Variants in OPCML observed in about 807,000 individuals in gnomAD.
The protein encoded by OPCML is opioid binding protein/cell adhesion molecule like.
OPCML carries 13 observed loss-of-function variants against 37.8 expected under a neutral mutation model. The ratio of observed to expected loss-of-function variants is 0.34; its 90% CI spans 0.22 to 0.55. OPCML has a LOEUF of 0.55. Ranked by LOEUF, OPCML falls within the 20% of genes least tolerant of loss-of-function variation. The probability of loss-of-function intolerance (pLI) is 0.91; values close to 1 mark genes in which losing one functional copy is unlikely to be tolerated. For synonymous variants in OPCML, 176 were observed against 168.8 expected, an observed-to-expected ratio of 1.04 and a Z score of -0.33; for missense variants, 341 against 435.6, an observed-to-expected ratio of 0.78 and a Z score of 1.93.
At chr11:133,286,339 G>T (rs1042108096) in intron 1 of OPCML, among the ~76,000 whole-genome samples, 1 of 151,624 alleles carries the variant, frequency 6.6e-6, no homozygotes, top group Non-Finnish European at 1.5e-5. Context: ...GCGTGGTGGC[G>T]GGCGCCTATA....
chr11:132,880,153 G>C (rs965642431), intron 2 of OPCML, among the ~76,000 whole-genome samples: 1 of 151,632 alleles, frequency 6.6e-6, no homozygotes, highest in Non-Finnish European at 1.5e-5. Context: ...TTCAGTTCTT[G>C]GGCTTTTTCT....
At chr11:132,653,833 G>A (rs564384692) in intron 3 of OPCML, among the ~76,000 whole-genome samples, 1 of 152,234 alleles carries the variant, frequency 6.6e-6, no homozygotes, top group African/African-American at 2.4e-5. Context: ...CTTCTCAAAT[G>A]GACAGAAGAT....
chr11:132,924,292 A>G (rs375776667), intron 2 of OPCML, among the ~76,000 whole-genome samples: 2 of 151,998 alleles, frequency 1.3e-5, no homozygotes, highest in Admixed American at 6.6e-5. Flanking sequence ...TAAGTTAATC[A>G]TCTCCTCCTC....
intron 1 of OPCML, among the ~76,000 whole-genome samples, chr11:133,416,208 C>T (rs916895509): frequency 2.0e-5 from 3 of 152,238 alleles, no homozygotes; most frequent in Middle Eastern, 6.8e-3. Flanking sequence ...AACTGATCTT[C>T]CCACTTCTAG....
intron 1 of OPCML, among the ~76,000 whole-genome samples, chr11:133,161,767 A>G (rs1033940423): frequency 2.6e-5 from 4 of 152,220 alleles, no homozygotes; most frequent in African/African-American, 9.7e-5. Flanking sequence ...TACCCTCAAG[A>G]AACACAATTC....
At chr11:133,412,477 G>A (rs116951397) in intron 1 of OPCML, among the ~76,000 whole-genome samples, 3,807 of 152,288 alleles carry the variant, frequency 0.025, 64 homozygotes, top group Non-Finnish European at 0.04. Flanking sequence ...GATGCAGATG[G>A]ATATCCAACA....
chr11:132,562,890 G>A (rs1305271208), intron 3 of OPCML, among the ~76,000 whole-genome samples: 1 of 152,192 alleles, frequency 6.6e-6, no homozygotes, highest in Non-Finnish European at 1.5e-5. Flanking sequence ...GTACACTGAT[G>A]TATACACTGG....
At chr11:132,852,027 T>C (rs1467161827) in intron 2 of OPCML, among the ~76,000 whole-genome samples, 1 of 152,208 alleles carries the variant, frequency 6.6e-6, no homozygotes, top group Non-Finnish European at 1.5e-5. Context: ...AAGCAGGAGC[T>C]GTAACTCCCA....
At chr11:132,552,761 C>CCCTTTTTTTTTTTTTTTTTTTTTTTTT (rs1337627753) in intron 3 of OPCML, among the ~76,000 whole-genome samples, 5 of 67,476 alleles carry the variant, frequency 7.4e-5, no homozygotes, top group African/African-American at 4.3e-4. Context: ...TTAAACACTA[C>CCCTTTTTTTTTTTTTTTTTTTTTTTTT]TCTTTTTTTT....
intron 1 of OPCML, among the ~76,000 whole-genome samples, chr11:133,334,426 A>C (rs1943696965): frequency 6.6e-6 from 1 of 152,182 alleles, no homozygotes; most frequent in South Asian, 2.1e-4. Context: ...GTTCTCACTT[A>C]TAGTGAGAGC....
rs1941211 is a variant in OPCML, at chr11:133,418,524, G to A, written c.61+113740C>T. 17,207 of 938,608 alleles carry A rather than the reference G, an allele frequency of 0.018. 1,560 individuals are homozygous for A. The African/African-American group carries it at 0.23, about 13-fold the overall frequency. 58.1% of individuals were successfully genotyped at this position (938,608 alleles called of 1,614,324 possible). Reference sequence around the variant, plus strand: ...AAACAGCCTTTGCAAAATTATGACAGTAGGAGAAACCTGACATAGTTGACT... The same window carrying A: ...AAACAGCCTTTGCAAAATTATGACAATAGGAGAAACCTGACATAGTTGACT... On this transcript the variant is annotated intron_variant, in intron 1 of 7. Coordinates refer to ENST00000524381, the MANE Select transcript of OPCML (RefSeq NM_001012393.5).
At chr11:133,488,638 T>A (rs1947584718) in intron 1 of OPCML, among the ~76,000 whole-genome samples, 1 of 151,948 alleles carries the variant, frequency 6.6e-6, no homozygotes, top group Non-Finnish European at 1.5e-5. Flanking sequence ...ATTGGAAGAA[T>A]CATTACTGAC....
At chr11:132,857,962 A>C (rs1942129134) in intron 2 of OPCML, among the ~76,000 whole-genome samples, 1 of 152,090 alleles carries the variant, frequency 6.6e-6, no homozygotes, top group Admixed American at 6.6e-5. Flanking sequence ...GTGAGCACTG[A>C]ACCCCGAGGC....
intron 1 of OPCML, among the ~76,000 whole-genome samples, chr11:132,965,020 TAGAC>T (rs1314116855): frequency 6.6e-6 from 1 of 152,204 alleles, no homozygotes; most frequent in Non-Finnish European, 1.5e-5. Flanking sequence ...TGTGTCTAAT[TAGAC>T]AGTTTGTGTC....
At chr11:132,447,092 A>T (rs1182323666) in intron 4 of OPCML, among the ~76,000 whole-genome samples, 1 of 152,204 alleles carries the variant, frequency 6.6e-6, no homozygotes, top group Non-Finnish European at 1.5e-5. Context: ...AATTAGTTAC[A>T]ACATCAAAGT....
intron 1 of OPCML, among the ~76,000 whole-genome samples, chr11:133,009,908 C>T (rs1040811636): frequency 6.6e-6 from 1 of 152,186 alleles, no homozygotes. Context: ...TATCTACTGT[C>T]TTCAGTTCTA....
chr11:132,977,911 T>A lies in OPCML; in HGVS notation c.62-34901A>T, dbSNP rs141218600. ...CATTGGAGAGATAAGATCTGCACAG[T>A]CCCTGGAGAACATCAGGATTGGATA... On this transcript the variant is annotated intron_variant, in intron 1 of 7. Transcript: ENST00000524381. Among the ~76,000 whole-genome samples, 387 of 152,264 alleles carry A rather than the reference T, an allele frequency of 2.5e-3. 3 individuals are homozygous for A. Among genetic ancestry groups the A allele is most frequent in the African/African-American group, 8.8e-3 (364 of 41,552 alleles).
chr11:132,740,391 T>C (rs11223192), intron 2 of OPCML, among the ~76,000 whole-genome samples: 29,545 of 152,202 alleles, frequency 0.19, 3,587 homozygotes, highest in Non-Finnish European at 0.28. Flanking sequence ...CATTAGTGTA[T>C]GTTTGTTCAA....
chr11:133,140,528 T>TAACAAGAAGAAGAAGAAGAAGAAG (rs1489312604), intron 1 of OPCML, among the ~76,000 whole-genome samples: 1 of 61,244 alleles, frequency 1.6e-5, no homozygotes, highest in Non-Finnish European at 3.5e-5. Flanking sequence ...ATAATAATAA[T>TAACAAGAAGAAGAAGAAGAAGAAG]AATAAGAAGA....
Sources: allele counts gnomAD v4.1 joint callset (sites outside exome capture counted in the v4.1 genomes callset), GRCh38; gene constraint gnomAD v4.1.1; transcripts MANE v1.5; gene names NCBI Gene and HGNC (gene_info 2026-07-23, HGNC 2026-07-21).